Variants in AAK1 observed in about 807,000 individuals in gnomAD.
AAK1 encodes AP2-associated protein kinase 1.
A neutral mutation model predicts 116.0 loss-of-function variants in AAK1; 37 were observed. The ratio of observed to expected loss-of-function variants is 0.32; its 90% confidence interval spans 0.25 to 0.42. The LOEUF (loss-of-function observed/expected upper bound fraction) is 0.42. Among genes scored for constraint, AAK1 ranks in the 10% least tolerant of loss-of-function variants. AAK1 has a pLI of 1.00. For missense variants in AAK1, 919 were observed against 1,170.6 expected, an observed-to-expected ratio of 0.79 and a Z score of 3.14; for synonymous variants, 458 against 439.9, an observed-to-expected ratio of 1.04 and a Z score of -0.51.
At chr2:69,512,610 AG>A (rs35128156) in intron 13 of AAK1, among the ~76,000 whole-genome samples, 49,815 of 152,086 alleles carry the variant, frequency 0.33, 9,572 homozygotes, top group East Asian at 0.52. Flanking sequence ...TTGCTTCTTT[AG>A]ATTAGCCCTG....
chr2:69,630,782 AG>A (rs1374248563), intron 2 of AAK1, among the ~76,000 whole-genome samples: 1 of 152,200 alleles, frequency 6.6e-6, no homozygotes, highest in Non-Finnish European at 1.5e-5. Context: ...CCAGGGGGGA[AG>A]GGGAGGAAAG....
intron 2 of AAK1, among the ~76,000 whole-genome samples, chr2:69,621,704 C>G (rs765504853): frequency 6.6e-6 from 1 of 152,202 alleles, no homozygotes; most frequent in African/African-American, 2.4e-5. Flanking sequence ...TGGCCAACTA[C>G]GAACACGCTG....
At position 69,469,105 on chromosome 2, in the gene AAK1, C is replaced by A. The variant is rs1674590258; in HGVS notation, c.*6764G>T. The A allele has an allele frequency of 5.1e-6, 5 of 985,284 alleles. No homozygotes were observed. Among genetic ancestry groups the A allele is most frequent in the Non-Finnish European group, 6.0e-6 (5 of 829,936 alleles). 61.0% of individuals were successfully genotyped at this position (985,284 alleles called of 1,614,324 possible). On this transcript the variant is annotated 3_prime_UTR_variant, in exon 22 of 22. Transcript: ENST00000409085. Reference sequence around the variant, plus strand: ...CAGGCTTTGTAGGAATGGAAAAGTACATTTAAAGGGTTGTCCTGAGAAGGC... The same window carrying A: ...CAGGCTTTGTAGGAATGGAAAAGTAAATTTAAAGGGTTGTCCTGAGAAGGC...
chr2:69,640,014 A>AACACACACACAC (rs376034914), intron 2 of AAK1, among the ~76,000 whole-genome samples: 22 of 103,774 alleles, frequency 2.1e-4, no homozygotes, highest in East Asian at 1.7e-3. Flanking sequence ...ACTCCCCTTT[A>AACACACACACAC]ACACACACAC....
At chr2:69,531,544 T>C in intron 6 of AAK1, 3 of 982,034 alleles carry the variant, frequency 3.1e-6, no homozygotes, top group Non-Finnish European at 2.4e-6. Flanking sequence ...CTAAAGAAGC[T>C]TTTTATCATG....
rs778212910 is a variant in AAK1, at chr2:69,519,123, T to C, written c.1328A>G (p.Gln443Arg). The C allele has an allele frequency of 2.6e-6, 4 of 1,560,756 alleles. No individual in the cohort carries two copies. Among genetic ancestry groups the C allele is most frequent in the Non-Finnish European group, 3.5e-6 (4 of 1,151,702 alleles). ...AKQPQAPPTP[Q>R]QTPSTQAQGL... Reference sequence around the variant, plus strand: ...CTGGGCCTGAGTAGAAGGCGTCTGCTGTGGAGTGGGAGGAGCCTGTGGCTG... The same window carrying C: ...CTGGGCCTGAGTAGAAGGCGTCTGCCGTGGAGTGGGAGGAGCCTGTGGCTG... The change falls in exon 12 of 22, where the codon CAG (glutamine) becomes CGG (arginine). Residue 443 changes from glutamine (Q) to arginine (R), a missense_variant. Physicochemically the swap from Gln to Arg is conservative, Grantham distance 43 (BLOSUM62 1). Transcript: ENST00000409085.
At chr2:69,616,052 A>G (rs768207111) in intron 2 of AAK1, among the ~76,000 whole-genome samples, 11 of 152,236 alleles carry the variant, frequency 7.2e-5, no homozygotes, top group Non-Finnish European at 1.5e-4. Flanking sequence ...CCTGGGCAAC[A>G]CGGCAAAACC....
At chr2:69,502,733 G>A (rs975531995) in intron 16 of AAK1, among the ~76,000 whole-genome samples, 2 of 152,138 alleles carry the variant, frequency 1.3e-5, no homozygotes, top group Non-Finnish European at 2.9e-5. Context: ...ACTATTAATC[G>A]AAACAAAATT....
chr2:69,516,396 T>C (rs187460237), intron 12 of AAK1, among the ~76,000 whole-genome samples: 231 of 150,740 alleles, frequency 1.5e-3, no homozygotes, highest in Non-Finnish European at 2.9e-3. Flanking sequence ...TAAATCCGAA[T>C]TCATAATGCC....
chr2:69,621,908 T>C (rs1219240133), intron 2 of AAK1, among the ~76,000 whole-genome samples: 1 of 152,172 alleles, frequency 6.6e-6, no homozygotes, highest in Non-Finnish European at 1.5e-5. Context: ...TACTGAGAGG[T>C]GACAGCGTGC....
intron 2 of AAK1, among the ~76,000 whole-genome samples, chr2:69,640,014 AAC>A (rs376034914): frequency 0.05 from 5,167 of 103,486 alleles, 131 homozygotes; most frequent in African/African-American, 0.07. Flanking sequence ...ACTCCCCTTT[AAC>A]ACACACACAC....
At chr2:69,598,045 A>G in intron 2 of AAK1, 2 of 461,104 alleles carry the variant, frequency 4.3e-6, no homozygotes, top group Non-Finnish European at 7.1e-6. Flanking sequence ...CACTGTGCTT[A>G]GAGGGTGAAC....
chr2:69,488,149 C>CGTGTGTGTGTGTGTGTGTGTGTGT (rs58575925), intron 17 of AAK1, among the ~76,000 whole-genome samples: 9 of 144,542 alleles, frequency 6.2e-5, no homozygotes, highest in African/African-American at 2.3e-4. Context: ...TGTGTGTGGA[C>CGTGTGTGTGTGTGTGTGTGTGTGT]GTGTGTGTGT....
At chr2:69,569,856 CTGTT>C (rs913761186) in intron 2 of AAK1, among the ~76,000 whole-genome samples, 6 of 152,094 alleles carry the variant, frequency 3.9e-5, no homozygotes, top group African/African-American at 1.2e-4. Context: ...TTGAATAAAT[CTGTT>C]TGTCCTCTCC....
intron 12 of AAK1, among the ~76,000 whole-genome samples, chr2:69,515,639 A>T (rs939417514): frequency 9.9e-5 from 15 of 152,116 alleles, no homozygotes; most frequent in South Asian, 2.1e-4. Context: ...CACACTTCTT[A>T]TATGTCTCTC....
chr2:69,591,933 A>G (rs1673053008), intron 2 of AAK1, among the ~76,000 whole-genome samples: 1 of 152,192 alleles, frequency 6.6e-6, no homozygotes, highest in Non-Finnish European at 1.5e-5. Context: ...GAAAGTTGGA[A>G]CAAGATGTCA....
intron 3 of AAK1, among the ~76,000 whole-genome samples, chr2:69,549,819 T>C (rs918407433): frequency 6.6e-6 from 1 of 152,216 alleles, no homozygotes; most frequent in Admixed American, 6.5e-5. Flanking sequence ...CCTTATTATT[T>C]CATTTCATTA....
Position 69,472,680 on chromosome 2 carries a change from T to G in AAK1, c.*3189A>C, listed in dbSNP as rs1286923495. The G allele has an allele frequency of 2.0e-6, 2 of 985,342 alleles. No individual in the cohort carries two copies. Among genetic ancestry groups the G allele is most frequent in the Non-Finnish European group, 2.4e-6 (2 of 829,926 alleles). The allele number at this position is 985,342 out of a possible 1,614,324, so 61.0% of individuals were successfully genotyped here. ...AAAGGGAAAAATCAATTTGTCATGT[T>G]TTCTGCTATAGTTACTCCTCTTACA... On this transcript the variant is annotated 3_prime_UTR_variant, in exon 22 of 22. Coordinates refer to ENST00000409085, the MANE Select transcript of AAK1 (RefSeq NM_014911.5).
Position 69,460,511 on chromosome 2 carries a change from T to C in AAK1, c.*15358A>G, listed in dbSNP as rs1674313464. On this transcript the variant is annotated 3_prime_UTR_variant, in exon 22 of 22. Transcript: ENST00000409085. ...TACATGTATTCTAAAACTTACTAAA[T>C]AATGGGCCAGTAAGATACCAGTATC... 1 of 152,316 alleles carries C rather than the reference T, an allele frequency of 6.6e-6. No individual in the cohort carries two copies. Among genetic ancestry groups the C allele is most frequent in the Admixed American group, 6.5e-5 (1 of 15,280 alleles). The allele number at this position is 152,316 out of a possible 1,614,324, so 9.4% of individuals were successfully genotyped here. A position where few individuals can be genotyped will look rare whatever the true frequency, so the allele number is the denominator to read the frequency against.
Sources: gnomAD v4.1 joint callset for allele counts (sites outside exome capture counted in the v4.1 genomes callset) on GRCh38, gnomAD v4.1.1 for gene constraint, MANE v1.5 for transcripts, NCBI Gene and HGNC (gene_info 2026-07-23, HGNC 2026-07-21) for gene names.